CHD2: variants seen among roughly 807,000 people sequenced by gnomAD.
CHD2 encodes chromodomain helicase DNA binding protein 2.
Under a neutral mutation model 243.9 loss-of-function variants are expected in CHD2, and 28 were observed. The observed-to-expected ratio is 0.11, with a 90% CI of 0.09 to 0.16. The LOEUF is 0.16. Ranked by LOEUF, CHD2 falls within the 10% of genes least tolerant of loss-of-function variation. CHD2 has a pLI of 1.00. For missense variants in CHD2, 1,386 were observed against 2,209.8 expected (o/e 0.63, Z 7.47); for synonymous variants, 775 against 779.0 (o/e 0.99, Z 0.09).
chr15:93,002,088 C>A, intron 32 of CHD2, 89 bp from the exon 33 acceptor site: 1 of 1,489,242 alleles, frequency 6.7e-7, no homozygotes, highest in Non-Finnish European at 8.9e-7. Flanking sequence ...CAGTGATGAA[C>A]CACTGGGGGC....
chr15:92,934,384 C>T (rs185888465), intron 5 of CHD2, among the ~76,000 whole-genome samples: 521 of 151,884 alleles, frequency 3.4e-3, no homozygotes, highest in Non-Finnish European at 6.2e-3. Flanking sequence ...CTCAAAATTT[C>T]GGGAAAAATT....
chr15:92,947,718 G>A (rs549497040), intron 12 of CHD2: 19 of 152,418 alleles, frequency 1.2e-4, no homozygotes, highest in African/African-American at 4.3e-4. Context: ...AGGAGTGGAT[G>A]GGAGAACAGT....
At chr15:92,904,147 C>A (rs1266000777) in intron 2 of CHD2, among the ~76,000 whole-genome samples, 1 of 152,252 alleles carries the variant, frequency 6.6e-6, no homozygotes, top group Non-Finnish European at 1.5e-5. Context: ...GGGCACGCAG[C>A]AGCTCTTTGA....
chr15:92,942,892 T>C lies in CHD2; in HGVS notation c.876T>C (p.Pro292=), dbSNP rs773515063. 3 of 1,613,920 alleles carry C rather than the reference T, an allele frequency of 1.9e-6. No homozygotes were observed. The highest frequency in any genetic ancestry group is 2.5e-6 in the Non-Finnish European group (3 of 1,179,970). The change falls in exon 9 of 39, where the codon CCT becomes CCC. Residue 292 remains proline, a synonymous_variant. Transcript: ENST00000394196. ...ATGCGATTGAAGCTAATGGCGACCC[T>C]AGTGGTGACTTTGACACTGAAAAGG... ...TVYAIEANGD[P]SGDFDTEKDE...
intron 6 of CHD2, 22 bp downstream of exon 6, chr15:92,937,647 T>C (rs760957055): frequency 1.3e-6 from 2 of 1,552,660 alleles, no homozygotes; most frequent in South Asian, 2.3e-5. Context: ...GCTTAAGATC[T>C]CTACTTGGGA....
chr15:92,938,032 A>G (rs1244093310), intron 6 of CHD2, among the ~76,000 whole-genome samples: 1 of 152,222 alleles, frequency 6.6e-6, no homozygotes, highest in Non-Finnish European at 1.5e-5. Flanking sequence ...GCAGCAAATT[A>G]TGCTAATTTT....
chr15:92,968,250 G>A (rs1006733908), intron 17 of CHD2, among the ~76,000 whole-genome samples: 1 of 152,120 alleles, frequency 6.6e-6, no homozygotes, highest in African/African-American at 2.4e-5. Flanking sequence ...AGCCAGGTGT[G>A]GTGGCTCACG....
At chr15:92,904,827 G>A in intron 2 of CHD2, 1 of 1,505,884 alleles carries the variant, frequency 6.6e-7, no homozygotes, top group Non-Finnish European at 8.8e-7. Context: ...TGTTACAATT[G>A]ACCAAAACGT....
At chr15:92,967,777 C>T (rs570539701) in intron 17 of CHD2, among the ~76,000 whole-genome samples, 2 of 152,092 alleles carry the variant, frequency 1.3e-5, no homozygotes, top group South Asian at 4.2e-4. Context: ...GATCCGCCCA[C>T]CTCGGCCTCC....
In CHD2 at chr15:92,997,274, C is replaced by G. The variant is rs141696596; in HGVS notation, c.3756C>G (p.Val1252=). The G allele has an allele frequency of 6.2e-7, 1 of 1,614,054 alleles. No individual in the cohort carries two copies. Among genetic ancestry groups the G allele is most frequent in the African/African-American group, 1.3e-5 (1 of 75,026 alleles). The change falls in exon 30 of 39, where the codon GTC becomes GTG. Residue 1252 remains valine, a synonymous_variant. Transcript: ENST00000394196. The surrounding 1 kb of genome is among the most constrained non-coding windows in gnomAD (Gnocchi z 4.1). ...TTAGATACTGCTTAACCTGTCGTGT[C>G]AAAGCTGCACATTTTGATGTAGAGT... The part of the protein sequence containing the change: ...EKKKYCLTCR[V]KAAHFDVEWG...
intron 24 of CHD2, among the ~76,000 whole-genome samples, chr15:92,984,017 G>A (rs1596435990): frequency 1.3e-5 from 2 of 152,130 alleles, no homozygotes; most frequent in Admixed American, 6.5e-5. Context: ...TTTATCATTA[G>A]TATTATATTT....
intron 2 of CHD2, chr15:92,902,430 C>T (rs957494833): frequency 1.4e-5 from 5 of 361,324 alleles, no homozygotes; most frequent in Admixed American, 4.6e-5. Flanking sequence ...ATGTGGTTTT[C>T]CTTCCCAATT....
intron 16 of CHD2, among the ~76,000 whole-genome samples, chr15:92,960,969 C>T (rs539191272): frequency 6.6e-6 from 1 of 152,224 alleles, no homozygotes; most frequent in African/African-American, 2.4e-5. Context: ...CTGCATCTGC[C>T]TGTCTCCGCC....
intron 3 of CHD2, among the ~76,000 whole-genome samples, chr15:92,925,555 G>A (rs2053043548): frequency 6.6e-6 from 1 of 152,154 alleles, no homozygotes; most frequent in Non-Finnish European, 1.5e-5. Flanking sequence ...CAGTTAATAA[G>A]GGCTCCATAA....
At chr15:92,918,809 A>G (rs527835337) in intron 2 of CHD2, among the ~76,000 whole-genome samples, 1 of 148,744 alleles carries the variant, frequency 6.7e-6, no homozygotes, top group Non-Finnish European at 1.5e-5. Context: ...ATATACACAC[A>G]TATATACACA....
At chr15:93,003,286 CA>C (rs397853913) in intron 33 of CHD2, among the ~76,000 whole-genome samples, 7,942 of 130,942 alleles carry the variant, frequency 0.061, 310 homozygotes, top group African/African-American at 0.14. Context: ...GACCTTGTCT[CA>C]AAAAAAAAAA....
intron 16 of CHD2, among the ~76,000 whole-genome samples, chr15:92,962,419 T>A (rs8032603): frequency 2.6e-5 from 4 of 152,148 alleles, no homozygotes; most frequent in African/African-American, 9.7e-5. Flanking sequence ...TCTCTGTGAT[T>A]TATTCTTTGA....
intron 26 of CHD2, among the ~76,000 whole-genome samples, chr15:92,989,301 G>A (rs1307394140): frequency 3.3e-5 from 5 of 152,042 alleles, no homozygotes; most frequent in South Asian, 2.1e-4. Flanking sequence ...CAAAGTGCTC[G>A]GATTACAGGC....
At chr15:92,937,738 C>T (rs1288658973) in intron 6 of CHD2, 113 bp downstream of exon 6, 6 of 748,108 alleles carry the variant, frequency 8.0e-6, no homozygotes, top group African/African-American at 1.8e-5. Flanking sequence ...TGTTTTGATT[C>T]TGCGTTTTAG....
Sources: gnomAD v4.1 joint callset for allele counts (sites outside exome capture counted in the v4.1 genomes callset) on GRCh38, gnomAD v4.1.1 for gene constraint, Gnocchi (gnomAD v3.1) non-coding constraint, MANE v1.5 for transcripts, NCBI Gene and HGNC (gene_info 2026-07-23, HGNC 2026-07-21) for gene names.